CNTNAP2: variants seen among roughly 807,000 people sequenced by gnomAD.
CNTNAP2 encodes contactin-associated protein-like 2.
In CNTNAP2, 98 loss-of-function variants were observed where a neutral mutation model predicts 155.2. The observed-to-expected ratio is 0.63, with a 90% CI of 0.54 to 0.75. The LOEUF (loss-of-function observed/expected upper bound fraction) is 0.75, where lower values mean the gene tolerates loss of function less well. Ranked by LOEUF, CNTNAP2 falls within the 30% of genes least tolerant of loss-of-function variation. CNTNAP2 has a pLI of 0.00. For synonymous variants in CNTNAP2, 651 were observed against 631.2 expected (o/e 1.03, Z -0.47); for missense variants, 1,727 against 1,688.1 (o/e 1.02, Z -0.40).
rs566435936 is a variant in CNTNAP2, at chr7:147,933,596, G to A, written c.2255+29875G>A. Among the ~76,000 whole-genome samples, 85 of 152,258 alleles carry A rather than the reference G, an allele frequency of 5.6e-4. No individual in the cohort carries two copies. The Middle Eastern group carries it at 0.014, about 24-fold the overall frequency. ...AAAGGAAGTCCTGGCTGGGCGTGGTGGCTCACACCTGTAATCCCAGCACTT... is the reference window on the plus strand; with the variant it reads ...AAAGGAAGTCCTGGCTGGGCGTGGTAGCTCACACCTGTAATCCCAGCACTT... On this transcript the variant is annotated intron_variant, in intron 14 of 23. Coordinates refer to ENST00000361727, the MANE Select transcript of CNTNAP2 (RefSeq NM_014141.6).
intron 1 of CNTNAP2, among the ~76,000 whole-genome samples, chr7:146,528,620 C>T (rs1347403002): frequency 6.6e-6 from 1 of 152,134 alleles, no homozygotes; most frequent in Admixed American, 6.6e-5. Context: ...GATTGTTTTA[C>T]TCTTCAAAGC....
intron 10 of CNTNAP2, among the ~76,000 whole-genome samples, chr7:147,432,704 GCTC>G (rs1451618325): frequency 4.6e-5 from 7 of 152,110 alleles, no homozygotes; most frequent in African/African-American, 1.7e-4. Flanking sequence ...GAAATCATAT[GCTC>G]CTCCTGTCAT....
intron 8 of CNTNAP2, among the ~76,000 whole-genome samples, chr7:147,184,331 G>A (rs746343356): frequency 1.7e-4 from 26 of 152,142 alleles, no homozygotes; most frequent in East Asian, 3.8e-4. Context: ...CATTTAAGTC[G>A]TTGGATTTGG....
At chr7:146,350,581 G>A (rs948242044) in intron 1 of CNTNAP2, among the ~76,000 whole-genome samples, 2 of 151,610 alleles carry the variant, frequency 1.3e-5, no homozygotes, top group African/African-American at 2.4e-5. Context: ...ACTGTTGGTG[G>A]GACTGTAAAC....
intron 1 of CNTNAP2, among the ~76,000 whole-genome samples, chr7:146,401,623 T>C (rs1374977651): frequency 6.6e-6 from 1 of 152,234 alleles, no homozygotes; most frequent in Non-Finnish European, 1.5e-5. Flanking sequence ...GTTTACTTTC[T>C]GATTAATAGG....
chr7:147,915,474 T>G (rs1201237302), intron 14 of CNTNAP2, among the ~76,000 whole-genome samples: 2 of 152,232 alleles, frequency 1.3e-5, no homozygotes, highest in East Asian at 3.8e-4. Flanking sequence ...TGAGGAGTAC[T>G]GGTATCAGTT....
chr7:148,178,211 C>A (rs551537681), intron 18 of CNTNAP2, among the ~76,000 whole-genome samples: 2 of 152,340 alleles, frequency 1.3e-5, no homozygotes, highest in Admixed American at 1.3e-4. Flanking sequence ...ATTCACTCAT[C>A]TGCACTTTTT....
intron 1 of CNTNAP2, among the ~76,000 whole-genome samples, chr7:146,760,513 C>T (rs1329248117): frequency 1.4e-5 from 2 of 143,154 alleles, no homozygotes; most frequent in African/African-American, 5.3e-5. Flanking sequence ...CAACATCTGC[C>T]TCCTGGGTTC....
intron 3 of CNTNAP2, among the ~76,000 whole-genome samples, chr7:146,898,352 C>T (rs901007910): frequency 2.0e-5 from 3 of 152,036 alleles, no homozygotes; most frequent in Non-Finnish European, 4.4e-5. Context: ...GGAGCAAAGA[C>T]ATCACTCAGG....
At chr7:147,520,331 T>A (rs1279112573) in intron 11 of CNTNAP2, among the ~76,000 whole-genome samples, 1 of 152,234 alleles carries the variant, frequency 6.6e-6, no homozygotes, top group African/African-American at 2.4e-5. Flanking sequence ...TATAGCTTCC[T>A]GTGCAATATC....
At chr7:147,449,005 TA>T (rs34580275) in intron 10 of CNTNAP2, among the ~76,000 whole-genome samples, 32,367 of 152,092 alleles carry the variant, frequency 0.21, 3,658 homozygotes, top group Non-Finnish European at 0.25. Flanking sequence ...ACTAATATTT[TA>T]TAATGCTCTA....
intron 9 of CNTNAP2, among the ~76,000 whole-genome samples, chr7:147,301,588 CTCTCTGTGTGTGTGTGTGTGTG>C (rs1794946189): frequency 1.6e-5 from 1 of 60,700 alleles, no homozygotes; most frequent in South Asian, 5.9e-4. Context: ...CTCTCTCTCT[CTCTCTGTGTGTGTGTGTGTGTG>C]TGTGTGTGTG....
chr7:147,047,411 G>T (rs1391152538), intron 4 of CNTNAP2, among the ~76,000 whole-genome samples: 2 of 151,586 alleles, frequency 1.3e-5, no homozygotes, highest in Non-Finnish European at 2.9e-5. Flanking sequence ...ATGCTTATTG[G>T]TCATACGTAT....
intron 13 of CNTNAP2, among the ~76,000 whole-genome samples, chr7:147,684,887 G>A (rs1383538075): frequency 6.6e-6 from 1 of 151,064 alleles, no homozygotes; most frequent in African/African-American, 2.4e-5. Context: ...TTATCACAAA[G>A]CATTTGAGCA....
At chr7:148,113,250 T>TA (rs1332891514) in intron 15 of CNTNAP2, among the ~76,000 whole-genome samples, 1 of 152,116 alleles carries the variant, frequency 6.6e-6, no homozygotes, top group Non-Finnish European at 1.5e-5. Context: ...TCAGGAAACT[T>TA]ACAATCATGG....
At chr7:148,192,715 T>C (rs923458122) in intron 18 of CNTNAP2, among the ~76,000 whole-genome samples, 3 of 152,186 alleles carry the variant, frequency 2.0e-5, no homozygotes, top group Admixed American at 2.0e-4. Flanking sequence ...GCCAACTACT[T>C]TGAAATTTGC....
At chr7:146,640,732 T>C (rs1799690414) in intron 1 of CNTNAP2, among the ~76,000 whole-genome samples, 1 of 152,212 alleles carries the variant, frequency 6.6e-6, no homozygotes, top group African/African-American at 2.4e-5. Context: ...TGGTGCATTT[T>C]TCTCTTCTTT....
chr7:146,951,133 A>G (rs1797305440), intron 3 of CNTNAP2, among the ~76,000 whole-genome samples: 1 of 151,932 alleles, frequency 6.6e-6, no homozygotes, highest in Non-Finnish European at 1.5e-5. Context: ...CCACTTTTTG[A>G]TGGGCTTGTT....
intron 15 of CNTNAP2, among the ~76,000 whole-genome samples, chr7:147,984,779 T>G (rs28472527): frequency 3.9e-5 from 6 of 152,104 alleles, no homozygotes; most frequent in East Asian, 3.9e-4. Context: ...AAACAGGTTT[T>G]GGGAGCAGGG....
Sources: allele counts gnomAD v4.1 joint callset (sites outside exome capture counted in the v4.1 genomes callset), GRCh38; gene constraint gnomAD v4.1.1; transcripts MANE v1.5; gene names NCBI Gene and HGNC (gene_info 2026-07-23, HGNC 2026-07-21).